The following SGPP2 variants were observed in gnomAD, a reference collection of about 807,000 sequenced individuals.
SGPP2 encodes sphingosine 1-phosphate phosphohydrolase 2.
In SGPP2, 30 loss-of-function variants were observed where a neutral mutation model predicts 33.9. The observed-to-expected ratio is 0.89, with a 90% CI of 0.66 to 1.20. SGPP2 has a LOEUF of 1.20. SGPP2 is among the 50% of genes most tolerant of loss of function. SGPP2 has a pLI of 0.00. For missense variants in SGPP2, 458 were observed against 532.1 expected, an observed-to-expected ratio of 0.86 and a Z score of 1.37; for synonymous variants, 233 against 225.0, an observed-to-expected ratio of 1.04 and a Z score of -0.32.
Position 222,424,697 on chromosome 2 carries a change from G to A in SGPP2, c.95G>A (p.Arg32Gln), listed in dbSNP as rs1334654015. 2.8e-6 allele frequency: 4 copies of A among 1,451,452 alleles called. No homozygotes were observed. Among genetic ancestry groups the A allele is most frequent in the East Asian group, 3.1e-5 (1 of 32,746 alleles). The allele number at this position is 1,451,452 out of a possible 1,614,324, so 89.9% of individuals were successfully genotyped here. The change falls in exon 1 of 5, where the codon CGG becomes CAG. Residue 32 changes from arginine to glutamine, a missense_variant. Transcript: ENST00000321276. ...GLFPAPDEGPRENGADPTERA... is the reference protein window; with the variant it reads ...GLFPAPDEGPQENGADPTERA... ...TTCCCCGCTCCGGATGAAGGCCCCC[G>A]GGAGAACGGCGCGGACCCCACGGAG...
intron 4 of SGPP2, among the ~76,000 whole-genome samples, chr2:222,539,265 G>A (rs1019836392): frequency 2.0e-5 from 3 of 152,162 alleles, no homozygotes; most frequent in Non-Finnish European, 2.9e-5. Context: ...AACCCATCAG[G>A]GCAGCCATTA....
chr2:222,555,014 C>A (rs1689364543), intron 4 of SGPP2, among the ~76,000 whole-genome samples: 1 of 151,982 alleles, frequency 6.6e-6, no homozygotes, highest in East Asian at 1.9e-4. Flanking sequence ...TCACAACATC[C>A]CCCCCACCCT....
intron 2 of SGPP2, among the ~76,000 whole-genome samples, chr2:222,488,822 T>G (rs1400817291): frequency 6.6e-6 from 1 of 152,296 alleles, no homozygotes; most frequent in African/African-American, 2.4e-5. Context: ...ATACTCAGAT[T>G]TAATAGAAAC....
rs1446821012 is a variant in SGPP2 at position 222,560,646 on chromosome 2, C to A, written c.*1748C>A. The A allele has an allele frequency of 6.6e-6, 1 of 152,122 alleles. No individual in the cohort carries two copies. 9.4% of individuals were successfully genotyped at this position (152,122 alleles called of 1,614,324 possible). On this transcript the variant is annotated 3_prime_UTR_variant, in exon 5 of 5. Coordinates refer to ENST00000321276, the MANE Select transcript of SGPP2 (RefSeq NM_152386.4). ...CTGAGCCAGTGCTTTATCAACCCAACACATCATCACCATGTGCATACTCTA... is the reference window on the plus strand; with the variant it reads ...CTGAGCCAGTGCTTTATCAACCCAAAACATCATCACCATGTGCATACTCTA...
chr2:222,507,431 G>A (rs572651322), intron 2 of SGPP2, among the ~76,000 whole-genome samples: 1 of 152,266 alleles, frequency 6.6e-6, no homozygotes, highest in African/African-American at 2.4e-5. Flanking sequence ...AGTTGGACCT[G>A]GCATGTGACT....
intron 4 of SGPP2, among the ~76,000 whole-genome samples, chr2:222,538,165 G>A (rs992680483): frequency 6.6e-6 from 1 of 152,210 alleles, no homozygotes; most frequent in Non-Finnish European, 1.5e-5. Flanking sequence ...GGGGTGGTAG[G>A]AGGGCTTGGT....
intron 4 of SGPP2, among the ~76,000 whole-genome samples, chr2:222,528,903 C>T (rs2106139573): frequency 6.6e-6 from 1 of 152,282 alleles, no homozygotes; most frequent in Non-Finnish European, 1.5e-5. Flanking sequence ...AGGCATGAGC[C>T]AGCGTGTCCT....
chr2:222,467,733 T>C (rs1319615913), intron 1 of SGPP2, among the ~76,000 whole-genome samples: 1 of 152,010 alleles, frequency 6.6e-6, no homozygotes, highest in East Asian at 1.9e-4. Flanking sequence ...GCTTTGAATC[T>C]TAACATTATC....
In SGPP2 at chr2:222,561,222, A is replaced by C. The variant is rs1689532923; in HGVS notation, c.*2324A>C. Among the ~76,000 whole-genome samples, 2 of 152,138 alleles carry C rather than the reference A, an allele frequency of 1.3e-5. No individual in the cohort carries two copies. The highest frequency in any genetic ancestry group is 6.5e-5 in the Admixed American group (1 of 15,280). On this transcript the variant is annotated 3_prime_UTR_variant, in exon 5 of 5. Coordinates refer to ENST00000321276, the MANE Select transcript of SGPP2 (RefSeq NM_152386.4). ...CCTGCCGTTTGACTGCTTTTACATC[A>C]AACTCTGCCCAGTATTTGCAGCACA...
At chr2:222,517,001 A>G (rs1698613259) in intron 2 of SGPP2, among the ~76,000 whole-genome samples, 1 of 152,168 alleles carries the variant, frequency 6.6e-6, no homozygotes, top group Non-Finnish European at 1.5e-5. Context: ...CTCACAGTTT[A>G]AACTCTAGTG....
rs543980325 is a variant in SGPP2 at position 222,465,624 on chromosome 2, T to C, written c.220-8944T>C. Among the ~76,000 whole-genome samples the C allele has an allele frequency of 1.3e-5, 2 of 152,356 alleles. No homozygotes were observed. Among genetic ancestry groups the C allele is most frequent in the South Asian group, 4.1e-4 (2 of 4,830 alleles). On this transcript the variant is annotated intron_variant, in intron 1 of 4. Transcript: ENST00000321276. The surrounding 1 kb of genome is among the most constrained non-coding windows in gnomAD (Gnocchi z 4.1). ...ACAAAAGAATTAAAGCAGGGCTTCA[T>C]CCCACTGTTTCAGAGCCAAAATTTG...
intron 4 of SGPP2, among the ~76,000 whole-genome samples, chr2:222,548,685 T>C (rs1432929296): frequency 7.2e-5 from 11 of 152,184 alleles, no homozygotes; most frequent in Non-Finnish European, 1.6e-4. Context: ...CCTATGGACA[T>C]TGATGTGCTT....
At chr2:222,472,928 C>A (rs185220246) in intron 1 of SGPP2, among the ~76,000 whole-genome samples, 3 of 152,104 alleles carry the variant, frequency 2.0e-5, no homozygotes, top group Non-Finnish European at 2.9e-5. Flanking sequence ...GCAGGAGAAT[C>A]GCTTGAACCT....
chr2:222,555,306 T>C (rs373332939), intron 4 of SGPP2, among the ~76,000 whole-genome samples: 1 of 152,222 alleles, frequency 6.6e-6, no homozygotes, highest in African/African-American at 2.4e-5. Flanking sequence ...TAAGCATGCA[T>C]GTACCATTAT....
chr2:222,453,118 TC>T, intron 1 of SGPP2: 8 of 839,786 alleles, frequency 9.5e-6, no homozygotes, highest in Non-Finnish European at 1.5e-5. Context: ...AGGACTATCC[TC>T]AGATCCATGG....
At chr2:222,458,518 A>T (rs1305168681) in intron 1 of SGPP2, among the ~76,000 whole-genome samples, 1 of 152,226 alleles carries the variant, frequency 6.6e-6, no homozygotes, top group Non-Finnish European at 1.5e-5. Flanking sequence ...TTATGAAAAG[A>T]TGAGATGGCC....
chr2:222,561,550 A>C lies in SGPP2; in HGVS notation c.*2652A>C, dbSNP rs1349180304. On this transcript the variant is annotated 3_prime_UTR_variant, in exon 5 of 5. Coordinates refer to ENST00000321276, the MANE Select transcript of SGPP2 (RefSeq NM_152386.4). ...TATATCATTTTATATATATATATAT[A>C]TCATATACATAATTTTTACTGCTGT... Among the ~76,000 whole-genome samples, 6 of 145,808 alleles carry C rather than the reference A, an allele frequency of 4.1e-5. No homozygotes were observed. In the South Asian group the frequency reaches 8.6e-4, roughly 21 times the overall value.
At chr2:222,430,101 C>T (rs4528748) in intron 1 of SGPP2, among the ~76,000 whole-genome samples, 116,649 of 152,026 alleles carry the variant, frequency 0.77, 44,883 homozygotes, top group Middle Eastern at 0.88. Context: ...AAAAAAAATA[C>T]TAGAATAGAA....
chr2:222,438,806 C>T (rs957292695), intron 1 of SGPP2, among the ~76,000 whole-genome samples: 2 of 152,178 alleles, frequency 1.3e-5, no homozygotes, highest in Non-Finnish European at 2.9e-5. Context: ...CACTAATCTC[C>T]GCAGTTCCTC....
Sources: gnomAD v4.1 joint callset for allele counts (sites outside exome capture counted in the v4.1 genomes callset) on GRCh38, gnomAD v4.1.1 for gene constraint, Gnocchi (gnomAD v3.1) non-coding constraint, MANE v1.5 for transcripts, NCBI Gene and HGNC (gene_info 2026-07-23, HGNC 2026-07-21) for gene names.